DPP10: variants seen among roughly 807,000 people sequenced by gnomAD.
The protein encoded by DPP10 is dipeptidyl peptidase like 10.
Under a neutral mutation model 120.9 loss-of-function variants are expected in DPP10, and 33 were observed. The observed-to-expected ratio is 0.27, with a 90% CI of 0.21 to 0.37. The LOEUF (loss-of-function observed/expected upper bound fraction) is 0.37. Among genes scored for constraint, DPP10 ranks in the 10% least tolerant of loss-of-function variants. DPP10 has a pLI of 1.00. For missense variants in DPP10, 816 were observed against 942.8 expected (o/e 0.87, Z 1.76); for synonymous variants, 337 against 326.1 (o/e 1.03, Z -0.36).
chr2:114,961,983 T>A (rs1182565633), intron 1 of DPP10, among the ~76,000 whole-genome samples: 2 of 151,996 alleles, frequency 1.3e-5, no homozygotes, highest in African/African-American at 4.8e-5. Flanking sequence ...AAATAAAAGG[T>A]ACTCAGTTCC....
Position 114,528,294 on chromosome 2 carries a change from G to A in DPP10, c.60+85456G>A, listed in dbSNP as rs149486454. On this transcript the variant is annotated intron_variant, in intron 1 of 25. Coordinates refer to ENST00000410059, the MANE Select transcript of DPP10 (RefSeq NM_020868.6). The stretch of plus-strand genomic sequence containing the variant: ...TATCATAGTCAATGGAAGAGGATTC[G>A]TGTTAATGTCCCACAGTCAGCCAGA... Among the ~76,000 whole-genome samples the A allele has an allele frequency of 3.9e-5, 6 of 152,272 alleles. No homozygotes were observed. The East Asian group carries it at 5.8e-4, about 15-fold the overall frequency.
intron 1 of DPP10, among the ~76,000 whole-genome samples, chr2:115,118,495 C>A (rs2049645018): frequency 6.6e-6 from 1 of 152,154 alleles, no homozygotes; most frequent in African/African-American, 2.4e-5. Flanking sequence ...ACTTGCCTAA[C>A]TGGAGGAAAA....
At chr2:115,321,125 C>A (rs2062035709) in intron 2 of DPP10, among the ~76,000 whole-genome samples, 1 of 152,088 alleles carries the variant, frequency 6.6e-6, no homozygotes, top group South Asian at 2.1e-4. Flanking sequence ...CATGGCAAAA[C>A]CCTGTCTCTG....
intron 3 of DPP10, among the ~76,000 whole-genome samples, chr2:115,358,866 C>A (rs1231859410): frequency 6.6e-6 from 1 of 151,972 alleles, no homozygotes; most frequent in African/African-American, 2.4e-5. Context: ...GAAGAAAAGC[C>A]CCTTATAGAA....
At chr2:114,579,969 A>G (rs13428986) in intron 1 of DPP10, among the ~76,000 whole-genome samples, 4 of 152,306 alleles carry the variant, frequency 2.6e-5, no homozygotes, top group East Asian at 3.9e-4. Context: ...AAAGCCTTTC[A>G]TTAACAAAAT....
At chr2:114,988,778 T>C (rs1292069462) in intron 1 of DPP10, among the ~76,000 whole-genome samples, 1 of 152,238 alleles carries the variant, frequency 6.6e-6, no homozygotes, top group African/African-American at 2.4e-5. Context: ...TTATACATTG[T>C]TTCTTGTATT....
chr2:115,623,713 T>G (rs559416013), intron 5 of DPP10, among the ~76,000 whole-genome samples: 11 of 152,310 alleles, frequency 7.2e-5, no homozygotes, highest in African/African-American at 2.6e-4. Context: ...GTACAAGATC[T>G]GTAGTTCTGA....
intron 3 of DPP10, among the ~76,000 whole-genome samples, chr2:115,496,235 A>C (rs2076389857): frequency 1.3e-5 from 2 of 152,122 alleles, no homozygotes; most frequent in Admixed American, 1.3e-4. Flanking sequence ...TTTCTTTTAA[A>C]ATAATTCATG....
intron 1 of DPP10, among the ~76,000 whole-genome samples, chr2:114,546,424 C>T (rs1021124161): frequency 1.4e-4 from 22 of 152,176 alleles, no homozygotes; most frequent in African/African-American, 5.1e-4. Flanking sequence ...ACGAAAAAAT[C>T]ATGATCCAAT....
chr2:115,365,746 T>G (rs1177708802), intron 3 of DPP10, among the ~76,000 whole-genome samples: 1 of 152,038 alleles, frequency 6.6e-6, no homozygotes, highest in African/African-American at 2.4e-5. Context: ...CTTAAAACAT[T>G]TTAATGTTCA....
chr2:114,485,940 A>G (rs923213311), intron 1 of DPP10, among the ~76,000 whole-genome samples: 5 of 152,158 alleles, frequency 3.3e-5, no homozygotes, highest in African/African-American at 9.7e-5. Context: ...GGGTTCTCCT[A>G]CTTTGTTCCG....
intron 1 of DPP10, among the ~76,000 whole-genome samples, chr2:115,151,350 T>C (rs1304452333): frequency 6.6e-6 from 1 of 152,256 alleles, no homozygotes; most frequent in East Asian, 1.9e-4. Flanking sequence ...TATTATCAGT[T>C]ACACTATGAG....
intron 1 of DPP10, among the ~76,000 whole-genome samples, chr2:114,942,400 C>CATATATATATATAT (rs1489821887): frequency 2.0e-5 from 2 of 99,380 alleles, no homozygotes; most frequent in East Asian, 4.8e-4. Context: ...TACACACACA[C>CATATATATATATAT]ACATATATAT....
chr2:115,172,784 T>C (rs915071675), intron 1 of DPP10, among the ~76,000 whole-genome samples: 2 of 152,238 alleles, frequency 1.3e-5, no homozygotes, highest in African/African-American at 4.8e-5. Flanking sequence ...ATACCGGACA[T>C]AGACAGAGCG....
intron 19 of DPP10, among the ~76,000 whole-genome samples, chr2:115,799,585 T>G: frequency 1.4e-5 from 1 of 71,220 alleles, no homozygotes; most frequent in Admixed American, 2.1e-4. Flanking sequence ...CCCTCCCCCC[T>G]CCCCCCACCC....
intron 5 of DPP10, among the ~76,000 whole-genome samples, chr2:115,601,488 T>C (rs1290308733): frequency 6.6e-6 from 1 of 152,184 alleles, no homozygotes; most frequent in Non-Finnish European, 1.5e-5. Flanking sequence ...GTAACGTAGA[T>C]AAATACCTTA....
chr2:115,373,018 G>C (rs1009441507), intron 3 of DPP10, among the ~76,000 whole-genome samples: 1 of 152,178 alleles, frequency 6.6e-6, no homozygotes. Flanking sequence ...AATTACAATA[G>C]AGGTTTGTAG....
rs975768246 is a variant in DPP10, at chr2:115,825,354, A to G, written c.1950+9625A>G. ...TCAATCTCTCCCACTGGAAAACACTATTCCCTCCTGTGTACTCATAGAACA... is the reference window on the plus strand; with the variant it reads ...TCAATCTCTCCCACTGGAAAACACTGTTCCCTCCTGTGTACTCATAGAACA... On this transcript the variant is annotated intron_variant, in intron 21 of 25. Transcript: ENST00000410059. 2.0e-5 allele frequency among the ~76,000 whole-genome samples: 3 copies of G among 152,136 alleles called. No individual in the cohort carries two copies. In the South Asian group the frequency reaches 6.2e-4, roughly 32 times the overall value.
At chr2:114,775,078 C>G (rs778943454) in intron 1 of DPP10, among the ~76,000 whole-genome samples, 3 of 151,958 alleles carry the variant, frequency 2.0e-5, no homozygotes, top group African/African-American at 4.8e-5. Context: ...GGTCCTGGTC[C>G]CCACCCTTGA....
Sources: gnomAD v4.1 joint callset for allele counts (sites outside exome capture counted in the v4.1 genomes callset) on GRCh38, gnomAD v4.1.1 for gene constraint, MANE v1.5 for transcripts, NCBI Gene and HGNC (gene_info 2026-07-23, HGNC 2026-07-21) for gene names.